Variants in OR2C1 observed in about 807,000 individuals in gnomAD.
OR2C1 encodes the protein olfactory receptor 2C1.
For synonymous variants in OR2C1, 209 were observed against 167.3 expected, an observed-to-expected ratio of 1.25 and a Z score of -1.92; for missense variants, 468 against 388.3, an observed-to-expected ratio of 1.21 and a Z score of -1.73.
downstream of OR2C1, among the ~76,000 whole-genome samples, chr16:3,358,137 A>G (rs2030715067): frequency 6.7e-6 from 1 of 149,424 alleles, no homozygotes; most frequent in South Asian, 2.2e-4. Flanking sequence ...TAAGCCAGGC[A>G]CGGTGGCTCA....
At chr16:3,336,463 G>T in the OR2C1 span, among the ~76,000 whole-genome samples, 1 of 151,950 alleles carries the variant, frequency 6.6e-6, no homozygotes. Flanking sequence ...CTGGTTTCAA[G>T]CAATTCTCCT....
chr16:3,339,834 A>T, the OR2C1 span, among the ~76,000 whole-genome samples: 2 of 152,108 alleles, frequency 1.3e-5, no homozygotes, highest in Admixed American at 6.5e-5. Context: ...ATATATTATC[A>T]TTATAGCCAT....
the OR2C1 span, among the ~76,000 whole-genome samples, chr16:3,344,224 AAAAAC>A: frequency 6.6e-6 from 1 of 152,152 alleles, no homozygotes; most frequent in African/African-American, 2.4e-5. Context: ...TCCATTTAAA[AAAAAC>A]AAAACAAAAC....
At chr16:3,342,893 A>G in the OR2C1 span, among the ~76,000 whole-genome samples, 1 of 152,150 alleles carries the variant, frequency 6.6e-6, no homozygotes, top group South Asian at 2.1e-4. Flanking sequence ...ACGAAAACGA[A>G]AACATGAATG....
chr16:3,324,786 C>T, the OR2C1 span, among the ~76,000 whole-genome samples: 1 of 152,098 alleles, frequency 6.6e-6, no homozygotes, highest in Non-Finnish European at 1.5e-5. Context: ...TATGTACATA[C>T]ATACATATAC....
chr16:3,339,243 T>C, the OR2C1 span, among the ~76,000 whole-genome samples: 1 of 152,194 alleles, frequency 6.6e-6, no homozygotes, highest in Admixed American at 6.5e-5. Flanking sequence ...TACCACAATT[T>C]GTTTATCCAC....
At chr16:3,336,795 G>A in the OR2C1 span, among the ~76,000 whole-genome samples, 2 of 131,992 alleles carry the variant, frequency 1.5e-5, no homozygotes, top group African/African-American at 5.8e-5. Context: ...TGCAACCTCC[G>A]TCTCCCAGGT....
the OR2C1 span, among the ~76,000 whole-genome samples, chr16:3,326,227 C>T: frequency 2.0e-5 from 3 of 152,144 alleles, no homozygotes; most frequent in Non-Finnish European, 4.4e-5. Context: ...CCGTGCCTGG[C>T]TCAAGTGCAT....
chr16:3,350,320 G>C, the OR2C1 span, among the ~76,000 whole-genome samples: 1,217 of 151,948 alleles, frequency 8.0e-3, 13 homozygotes, highest in Non-Finnish European at 9.5e-3. Flanking sequence ...CTCCCAAAGT[G>C]CTGAGATTAC....
chr16:3,350,334 C>T, the OR2C1 span, among the ~76,000 whole-genome samples: 1 of 151,734 alleles, frequency 6.6e-6, no homozygotes, highest in Non-Finnish European at 1.5e-5. Flanking sequence ...AGATTACAGG[C>T]GTGAGCCACC....
chr16:3,353,381 C>T (rs568893442), upstream of OR2C1, among the ~76,000 whole-genome samples: 1 of 149,490 alleles, frequency 6.7e-6, no homozygotes, highest in African/African-American at 2.5e-5. Context: ...GTCCCAGCTA[C>T]TTGAGAGGCT....
chr16:3,352,489 T>A (rs1567285239), upstream of OR2C1, among the ~76,000 whole-genome samples: 1 of 152,228 alleles, frequency 6.6e-6, no homozygotes, highest in African/African-American at 2.4e-5. Flanking sequence ...TGAGTTTGAA[T>A]GTTTTTAAAC....
At chr16:3,323,543 A>C in the OR2C1 span, 1 of 752,390 alleles carries the variant, frequency 1.3e-6, no homozygotes, top group South Asian at 1.4e-5. Flanking sequence ...CAGCATTTTT[A>C]GGTTCTGGGG....
chr16:3,357,694 G>C (rs116802918), downstream of OR2C1, among the ~76,000 whole-genome samples: 1,318 of 152,246 alleles, frequency 8.7e-3, 27 homozygotes, highest in African/African-American at 0.031. Flanking sequence ...TAATAATGCA[G>C]TATACCACTG....
At chr16:3,333,130 A>G in the OR2C1 span, among the ~76,000 whole-genome samples, 2 of 145,324 alleles carry the variant, frequency 1.4e-5, no homozygotes, top group African/African-American at 5.0e-5. Flanking sequence ...CTGATGATTG[A>G]TGATATTGAA....
upstream of OR2C1, among the ~76,000 whole-genome samples, chr16:3,351,673 C>T (rs995059949): frequency 6.6e-6 from 1 of 152,084 alleles, no homozygotes; most frequent in Admixed American, 6.6e-5. Context: ...ATTGCTAATA[C>T]AGTACACAGC....
the OR2C1 span, among the ~76,000 whole-genome samples, chr16:3,348,912 C>G: frequency 6.6e-6 from 1 of 152,112 alleles, no homozygotes; most frequent in African/African-American, 2.4e-5. Context: ...GGGACTCCCC[C>G]TCTCTGCCCT....
chr16:3,344,001 T>C, the OR2C1 span, among the ~76,000 whole-genome samples: 2 of 151,632 alleles, frequency 1.3e-5, no homozygotes, highest in Admixed American at 1.3e-4. Flanking sequence ...GGGGGATCAC[T>C]TGAGGTCAGG....
chr16:3,348,427 T>C, the OR2C1 span, among the ~76,000 whole-genome samples: 2 of 152,324 alleles, frequency 1.3e-5, no homozygotes, highest in South Asian at 4.1e-4. Flanking sequence ...ACTAGCCATT[T>C]GCCCTTGGAG....
Sources: gnomAD v4.1 joint callset for allele counts (sites outside exome capture counted in the v4.1 genomes callset) on GRCh38, gnomAD v4.1.1 for gene constraint, MANE v1.5 for transcripts, NCBI Gene and HGNC (gene_info 2026-07-23, HGNC 2026-07-21) for gene names.